The following EPN1 variants were observed in gnomAD, a reference collection of about 807,000 sequenced individuals.
EPN1 encodes epsin-1.
In EPN1, 25 loss-of-function variants were observed where a neutral mutation model predicts 56.9. The ratio of observed to expected loss-of-function variants is 0.44; its 90% CI spans 0.32 to 0.61. The LOEUF is 0.61. EPN1 is among the 20% of genes least tolerant of loss of function. The pLI is 0.05. For missense variants in EPN1, 785 were observed against 823.7 expected, an observed-to-expected ratio of 0.95 and a Z score of 0.58; for synonymous variants, 411 against 361.8, an observed-to-expected ratio of 1.14 and a Z score of -1.54.
rs1431490203 is a variant in EPN1, at chr19:55,675,251, C to G, written c.-286C>G. On this transcript the variant is annotated 5_prime_UTR_variant, in exon 1 of 11. Coordinates refer to ENST00000270460, the MANE Select transcript of EPN1 (RefSeq NM_001130072.2). ...CTGTTGCTTCCCGTCTCCTCGGCGGCTCCCCTCCCCCGCCCGGCTCTCCGC... is the reference window on the plus strand; with the variant it reads ...CTGTTGCTTCCCGTCTCCTCGGCGGGTCCCCTCCCCCGCCCGGCTCTCCGC... 6.6e-6 allele frequency: 1 copy of G among 152,082 alleles called. No homozygotes were observed. The highest frequency in any genetic ancestry group is 1.5e-5 in the Non-Finnish European group (1 of 67,964). The allele number at this position is 152,082 out of a possible 1,614,324, so 9.4% of individuals were successfully genotyped here.
At chr19:55,692,258 G>A (rs1003804094) in intron 7 of EPN1, among the ~76,000 whole-genome samples, 1 of 152,108 alleles carries the variant, frequency 6.6e-6, no homozygotes, top group Non-Finnish European at 1.5e-5. Flanking sequence ...GAGGACATGG[G>A]GGGTGTGCTG....
chr19:55,708,043 AAAATT>A lies in EPN1; in HGVS notation c.*12690_*12694del, dbSNP rs1242778736. ...TTAAACATATGGAAAACCTGGAAGTAAAATTAAGCAAGTAAGTGCGAGCACTCTAC... is the reference window on the plus strand; with the variant it reads ...TTAAACATATGGAAAACCTGGAAGTAAAGCAAGTAAGTGCGAGCACTCTAC... On this transcript the variant is annotated 3_prime_UTR_variant, in exon 11 of 11. Coordinates refer to ENST00000270460, the MANE Select transcript of EPN1 (RefSeq NM_001130072.2). 1 of 152,386 alleles carries A rather than the reference AAAATT, an allele frequency of 6.6e-6. No homozygotes were observed. The highest frequency in any genetic ancestry group is 1.9e-4 in the East Asian group (1 of 5,204). 9.4% of individuals were successfully genotyped at this position (152,386 alleles called of 1,614,324 possible).
At chr19:55,693,827 T>C (rs1986736869) in intron 9 of EPN1, among the ~76,000 whole-genome samples, 1 of 152,218 alleles carries the variant, frequency 6.6e-6, no homozygotes, top group Non-Finnish European at 1.5e-5. Flanking sequence ...TAGAGCAACC[T>C]TCCAGCATGC....
chr19:55,682,252 C>G (rs147309654), intron 2 of EPN1, among the ~76,000 whole-genome samples: 2 of 152,348 alleles, frequency 1.3e-5, no homozygotes, highest in Admixed American at 6.5e-5. Context: ...ATTCAGCCTT[C>G]CAGGTTTCCT....
In EPN1 at chr19:55,701,501, T is replaced by C. The variant is rs1987140028; in HGVS notation, c.*6145T>C. 6.6e-6 allele frequency: 1 copy of C among 152,028 alleles called. No homozygotes were observed. The highest frequency in any genetic ancestry group is 1.5e-5 in the Non-Finnish European group (1 of 68,030). The allele number at this position is 152,028 out of a possible 1,614,324, so 9.4% of individuals were successfully genotyped here. On this transcript the variant is annotated 3_prime_UTR_variant, in exon 11 of 11. Transcript: ENST00000270460. ...TCCTGTATTTTTTTCTCTTAGTATC[T>C]TAAGAAATACATGATTTGAACAAGG...
At chr19:55,683,509 A>G (rs971123149) in intron 2 of EPN1, among the ~76,000 whole-genome samples, 2 of 150,644 alleles carry the variant, frequency 1.3e-5, no homozygotes, top group Admixed American at 6.6e-5. Context: ...GCACCGCCAC[A>G]CCTGGCCAGT....
At chr19:55,687,070 A>G (rs1284398966) in intron 3 of EPN1, among the ~76,000 whole-genome samples, 1 of 151,912 alleles carries the variant, frequency 6.6e-6, no homozygotes, top group African/African-American at 2.4e-5. Flanking sequence ...CCGAAATTTG[A>G]ATTTTATGTA....
rs540110122 is a variant in EPN1 at position 55,678,517 on chromosome 19, C to T, written c.-101-10C>T. 6.4e-5 allele frequency: 99 copies of T among 1,536,530 alleles called. No individual in the cohort carries two copies. In the African/African-American group the frequency reaches 8.3e-4, roughly 13 times the overall value. On this transcript the variant is annotated splice_polypyrimidine_tract_variant and intron_variant, in intron 1 of 10. Transcript: ENST00000270460. ...CATTTGTGTTTCCAGAGGTCCTCTT[C>T]CCCTCGCAGATGCGGTGACCTGCCA...
rs11454496 is a variant in EPN1, at chr19:55,701,449, C to CA, written c.*6109dup. 0.087 allele frequency: 8,123 copies of CA among 92,898 alleles called. 413 individuals carry two copies. Among genetic ancestry groups the CA allele is most frequent in the African/African-American group, 0.19 (5,017 of 26,546 alleles). The allele number at this position is 92,898 out of a possible 1,614,324, so 5.8% of individuals were successfully genotyped here. A position where few individuals can be genotyped will look rare whatever the true frequency, so the allele number is the denominator to read the frequency against. ...GGGTGACAGAGTGAGACCCTGTCTCCAAAAAAAAAAAAAAAATGATACTGT... is the reference window on the plus strand; with the variant it reads ...GGGTGACAGAGTGAGACCCTGTCTCCAAAAAAAAAAAAAAAAATGATACTGT... On this transcript the variant is annotated 3_prime_UTR_variant, in exon 11 of 11. Transcript: ENST00000270460.
In EPN1 at chr19:55,694,756, C is replaced by T. The variant is rs774279283; in HGVS notation, c.1295C>T (p.Pro432Leu). ...GELELLAGEVPARSPGAFDMS... is the reference protein window; with the variant it reads ...GELELLAGEVLARSPGAFDMS... ...CTGGAGCTGCTGGCAGGAGAGGTGC[C>T]GGCCCGAAGCCCTGGGGCGTTTGAC... The change falls in exon 10 of 11, where the codon CCG (proline) becomes CTG (leucine). Residue 432 changes from proline to leucine, a missense_variant. Physicochemically the swap from Pro to Leu is moderately conservative, Grantham distance 98. This residue lies in a region of EPN1 where 650 missense variants were observed against 605.0 expected (regional missense o/e 1.07). Coordinates refer to ENST00000270460, the MANE Select transcript of EPN1 (RefSeq NM_001130072.2). This position sits in a 1 kb window ranked among gnomAD's most constrained non-coding sequence, Gnocchi z 4.2. The T allele has an allele frequency of 7.6e-6, 12 of 1,587,200 alleles. No homozygotes were observed. Among genetic ancestry groups the T allele is most frequent in the East Asian group, 4.5e-5 (2 of 44,578 alleles).
chr19:55,691,000 C>T (rs1007002879), intron 6 of EPN1, among the ~76,000 whole-genome samples: 15 of 152,188 alleles, frequency 9.9e-5, no homozygotes, highest in Admixed American at 1.3e-4. Context: ...TTCCCATCCC[C>T]GCCGGGGCCT....
In EPN1 at chr19:55,689,846, G is replaced by C; in HGVS notation, c.679-21G>C. 1.3e-6 allele frequency: 2 copies of C among 1,585,436 alleles called. No individual in the cohort carries two copies. Among genetic ancestry groups the C allele is most frequent in the Non-Finnish European group, 8.6e-7 (1 of 1,166,426 alleles). Reference sequence around the variant, plus strand: ...TGGCTCACGTTCTCATGTCTCCCTGGTCGTGCCCGTGCCCCAACAGGAGGA... The same window carrying C: ...TGGCTCACGTTCTCATGTCTCCCTGCTCGTGCCCGTGCCCCAACAGGAGGA... On this transcript the variant is annotated intron_variant, in intron 5 of 10. Transcript: ENST00000270460. The surrounding 1 kb of genome is among the most constrained non-coding windows in gnomAD (Gnocchi z 5.7).
intron 2 of EPN1, 94 bp from the exon 3 acceptor site, chr19:55,685,302 G>A (rs1986090401): frequency 4.7e-6 from 7 of 1,491,402 alleles, no homozygotes; most frequent in Non-Finnish European, 3.6e-6. Context: ...TGGGCCTTGC[G>A]CCCAGTCGGC....
rs149039344 is a variant in EPN1, at chr19:55,707,278, G to A, written c.*11922G>A. ...CATCACTTGAACCCAGGAGTTCAAGGCTGCAGTGAGCTATGATGGCACCAC... is the reference window on the plus strand; with the variant it reads ...CATCACTTGAACCCAGGAGTTCAAGACTGCAGTGAGCTATGATGGCACCAC... On this transcript the variant is annotated 3_prime_UTR_variant, in exon 11 of 11. Transcript: ENST00000270460. The A allele has an allele frequency of 6.6e-6, 1 of 152,032 alleles. No homozygotes were observed. Among genetic ancestry groups the A allele is most frequent in the Non-Finnish European group, 1.5e-5 (1 of 68,082 alleles). The allele number at this position is 152,032 out of a possible 1,614,324, so 9.4% of individuals were successfully genotyped here. A position where few individuals can be genotyped will look rare whatever the true frequency, so the allele number is the denominator to read the frequency against.
Position 55,695,509 on chromosome 19 carries a change from A to C in EPN1, c.*153A>C, listed in dbSNP as rs1986868215. 1.4e-5 allele frequency: 8 copies of C among 567,980 alleles called. No homozygotes were observed. Among genetic ancestry groups the C allele is most frequent in the Middle Eastern group, 4.6e-4 (1 of 2,158 alleles). The allele number at this position is 567,980 out of a possible 1,614,324, so 35.2% of individuals were successfully genotyped here. ...TCACACTACACCCTCTTCCTTTCCC[A>C]CCCCACCTCCCCGGAGAGAAACTGG... On this transcript the variant is annotated 3_prime_UTR_variant, in exon 11 of 11. Transcript: ENST00000270460. The surrounding 1 kb of genome is among the most constrained non-coding windows in gnomAD (Gnocchi z 4.4).
intron 2 of EPN1, among the ~76,000 whole-genome samples, chr19:55,682,296 T>C (rs11882031): frequency 0.18 from 27,022 of 152,218 alleles, 3,687 homozygotes; most frequent in African/African-American, 0.37. Flanking sequence ...CCGTGTCTGA[T>C]TTCTGTCTGC....
At chr19:55,679,751 G>C (rs181610092) in intron 2 of EPN1, among the ~76,000 whole-genome samples, 7 of 152,160 alleles carry the variant, frequency 4.6e-5, no homozygotes, top group South Asian at 2.1e-4. Flanking sequence ...GTTGAGGCTC[G>C]TTTCCTGTGA....
chr19:55,695,162 G>T lies in EPN1; in HGVS notation c.1537G>T (p.Gly513Cys). The stretch of plus-strand genomic sequence containing the variant: ...TCTTCCTGCAGGAGGCCCAGCCACT[G>T]GCCCTTCCGTCACCAACCCCTTCCA... ...PFLPGGGPAT[G>C]PSVTNPFQPA... Residue 513 changes from glycine to cysteine, a missense_variant, in exon 11 of 11, where the codon GGC becomes TGC. Gly to Cys is a radical substitution (Grantham distance 159, BLOSUM62 -3). This residue lies in a region of EPN1 where 650 missense variants were observed against 605.0 expected (regional missense o/e 1.07). Coordinates refer to ENST00000270460, the MANE Select transcript of EPN1 (RefSeq NM_001130072.2). This position sits in a 1 kb window ranked among gnomAD's most constrained non-coding sequence, Gnocchi z 4.4. 1 of 1,613,776 alleles carries T rather than the reference G, an allele frequency of 6.2e-7. No individual in the cohort carries two copies. Among genetic ancestry groups the T allele is most frequent in the South Asian group, 1.1e-5 (1 of 91,084 alleles).
Position 55,689,875 on chromosome 19 carries a change from G to A in EPN1, c.687G>A (p.Arg229=). 6.2e-7 allele frequency: 1 copy of A among 1,602,360 alleles called. No homozygotes were observed. The highest frequency in any genetic ancestry group is 2.3e-5 in the East Asian group (1 of 44,362). The change falls in exon 6 of 11, where the codon CGG becomes CGA. Residue 229 remains arginine, a synonymous_variant. Coordinates refer to ENST00000270460, the MANE Select transcript of EPN1 (RefSeq NM_001130072.2). The surrounding 1 kb of genome is among the most constrained non-coding windows in gnomAD (Gnocchi z 5.7). ...TGCCCGTGCCCCAACAGGAGGAGCG[G>A]ATCCGTCGCGGGGATGACCTGCGGC... ...LSREEHDKEE[R]IRRGDDLRLQ... is the part of the protein sequence containing the mutation.
Sources: gnomAD v4.1 joint callset for allele counts (sites outside exome capture counted in the v4.1 genomes callset) on GRCh38, gnomAD v4.1.1 for gene constraint, gnomAD v4.1.1 regional missense constraint, Gnocchi (gnomAD v3.1) non-coding constraint, MANE v1.5 for transcripts, NCBI Gene and HGNC (gene_info 2026-07-23, HGNC 2026-07-21) for gene names.